Variants in ZMIZ1 observed in about 807,000 individuals in gnomAD.
ZMIZ1 encodes the protein zinc finger MIZ domain-containing protein 1.
Under a neutral mutation model 113.9 loss-of-function variants are expected in ZMIZ1, and 17 were observed. The observed-to-expected ratio is 0.15, with a 90% CI of 0.10 to 0.22. The LOEUF is 0.22. ZMIZ1 is among the 10% of genes least tolerant of loss of function. The pLI, the probability that ZMIZ1 is intolerant of heterozygous loss-of-function variation, is 1.00. For missense variants in ZMIZ1, 1,059 were observed against 1,477.8 expected (o/e 0.72, Z 4.65); for synonymous variants, 607 against 603.1 (o/e 1.01, Z -0.09).
At chr10:79,246,124 A>G (rs1850181390) in intron 7 of ZMIZ1, among the ~76,000 whole-genome samples, 1 of 152,256 alleles carries the variant, frequency 6.6e-6, no homozygotes, top group Admixed American at 6.5e-5. Context: ...CCCATTTAAC[A>G]CAGGAGAAAA....
chr10:79,154,039 C>T (rs1454254100), intron 3 of ZMIZ1, among the ~76,000 whole-genome samples: 4 of 152,198 alleles, frequency 2.6e-5, no homozygotes, highest in African/African-American at 9.6e-5. Context: ...CCCTTCAGTG[C>T]CACGACCTTC....
chr10:79,273,897 G>T (rs1299379137), intron 7 of ZMIZ1, among the ~76,000 whole-genome samples: 1 of 152,280 alleles, frequency 6.6e-6, no homozygotes. Context: ...CACCAGGCAG[G>T]AGGCCAATCG....
At chr10:79,240,786 G>A (rs1849796582) in intron 7 of ZMIZ1, among the ~76,000 whole-genome samples, 1 of 151,764 alleles carries the variant, frequency 6.6e-6, no homozygotes, top group African/African-American at 2.4e-5. Context: ...GGGAGATGGG[G>A]TAGGGAGACT....
At chr10:79,175,217 C>T (rs1168098478) in intron 4 of ZMIZ1, among the ~76,000 whole-genome samples, 2 of 152,234 alleles carry the variant, frequency 1.3e-5, no homozygotes, top group African/African-American at 4.8e-5. Flanking sequence ...AAAGAAACCC[C>T]GAGCAGTCTG....
At chr10:79,080,148 G>A (rs752118342) in intron 1 of ZMIZ1, among the ~76,000 whole-genome samples, 11 of 152,148 alleles carry the variant, frequency 7.2e-5, no homozygotes, top group Non-Finnish European at 1.5e-4. Context: ...CCACCTTCCT[G>A]GGATCCTGAG....
rs1554852505 is a variant in ZMIZ1, at chr10:79,114,537, G to GTA, written c.-336-4377_-336-4376insAT. 2.9e-3 allele frequency among the ~76,000 whole-genome samples: 402 copies of GTA among 140,384 alleles called. 3 individuals are homozygous for GTA. Among genetic ancestry groups the GTA allele is most frequent in the African/African-American group, 9.0e-3 (349 of 38,768 alleles). The allele number at this position is 140,384 out of a possible 152,430, so 92.1% of individuals were successfully genotyped here. A position where few individuals can be genotyped will look rare whatever the true frequency, so the allele number is the denominator to read the frequency against. On this transcript the variant is annotated intron_variant, in intron 1 of 24. Coordinates refer to ENST00000334512, the MANE Select transcript of ZMIZ1 (RefSeq NM_020338.4). Reference sequence around the variant, plus strand: ...TGTGTGTGTGTGTGTGTGTGTGTGTGTGTGAAGGTGGGAGGGAGAAGGGAG... The same window carrying GTA: ...TGTGTGTGTGTGTGTGTGTGTGTGTGTATGTGAAGGTGGGAGGGAGAAGGGAG...
chr10:79,149,122 C>T lies in ZMIZ1; in HGVS notation c.-131+9345C>T, dbSNP rs1397473883. ...GGAGGCCCTTGGGCTGCCTTTGGTA[C>T]AGGCAGGAGACCTGGATCCCTGCTC... On this transcript the variant is annotated intron_variant, in intron 3 of 24. Coordinates refer to ENST00000334512, the MANE Select transcript of ZMIZ1 (RefSeq NM_020338.4). Among the ~76,000 whole-genome samples the T allele has an allele frequency of 3.3e-5, 5 of 152,202 alleles. No homozygotes were observed. In the South Asian group the frequency reaches 1.0e-3, roughly 31 times the overall value.
At chr10:79,288,966 C>T (rs1437672941) in intron 8 of ZMIZ1, among the ~76,000 whole-genome samples, 1 of 152,064 alleles carries the variant, frequency 6.6e-6, no homozygotes, top group Non-Finnish European at 1.5e-5. Context: ...AGAGAGGAGG[C>T]AGTGTTTAGG....
In ZMIZ1 at chr10:79,292,169, G is replaced by C. The variant is rs1472157297; in HGVS notation, c.770G>C (p.Gly257Ala). ...SGGFGASYPG[G>A]PNAPAGMGIP... ...TTCTCCCCCTGCAGTTACCCTGGGG[G>C]TCCTAACGCCCCCGCAGGCATGGGC... Residue 257 changes from glycine (G) to alanine (A), a missense_variant, in exon 11 of 25, where the codon GGT becomes GCT. This residue lies in a region of ZMIZ1 where 272 missense variants were observed against 350.4 expected (regional missense o/e 0.78). Coordinates refer to ENST00000334512, the MANE Select transcript of ZMIZ1 (RefSeq NM_020338.4). The C allele has an allele frequency of 6.2e-7, 1 of 1,609,016 alleles. No individual in the cohort carries two copies. The highest frequency in any genetic ancestry group is 8.5e-7 in the Non-Finnish European group (1 of 1,177,704).
At chr10:79,187,200 C>T (rs1304336793) in intron 4 of ZMIZ1, among the ~76,000 whole-genome samples, 2 of 152,222 alleles carry the variant, frequency 1.3e-5, no homozygotes, top group Non-Finnish European at 2.9e-5. Context: ...CTCACCCCGT[C>T]CCCACTTCAT....
At chr10:79,190,255 C>G (rs1321025018) in intron 4 of ZMIZ1, among the ~76,000 whole-genome samples, 5 of 152,218 alleles carry the variant, frequency 3.3e-5, no homozygotes, top group African/African-American at 1.2e-4. Context: ...GTGGGCTGAC[C>G]ACAGGCCTGG....
intron 18 of ZMIZ1, 77 bp from the exon 19 acceptor site, chr10:79,303,937 GT>G: frequency 6.3e-7 from 1 of 1,575,612 alleles, no homozygotes; most frequent in Non-Finnish European, 8.7e-7. Context: ...GCACGAGGAA[GT>G]GGGGAGCACG....
intron 1 of ZMIZ1, among the ~76,000 whole-genome samples, chr10:79,096,563 A>G (rs1303025533): frequency 6.6e-6 from 1 of 152,192 alleles, no homozygotes; most frequent in African/African-American, 2.4e-5. Flanking sequence ...AAGAACCTCC[A>G]GCACGTGGAG....
intron 4 of ZMIZ1, among the ~76,000 whole-genome samples, chr10:79,169,855 T>G (rs1846526291): frequency 6.6e-6 from 1 of 152,252 alleles, no homozygotes; most frequent in Non-Finnish European, 1.5e-5. Flanking sequence ...AGCAGCAGAC[T>G]GATGCCCTTG....
At chr10:79,117,897 G>A (rs150093296) in intron 1 of ZMIZ1, among the ~76,000 whole-genome samples, 12 of 152,326 alleles carry the variant, frequency 7.9e-5, no homozygotes, top group African/African-American at 2.6e-4. Flanking sequence ...TTCTGAGCAT[G>A]AGCTTTCCTG....
intron 7 of ZMIZ1, among the ~76,000 whole-genome samples, chr10:79,236,451 C>T (rs1849593609): frequency 6.6e-6 from 1 of 152,196 alleles, no homozygotes; most frequent in Non-Finnish European, 1.5e-5. Context: ...AAGCTGTGTC[C>T]TGGGAGAAGC....
chr10:79,227,895 A>G (rs1849255687), intron 7 of ZMIZ1, among the ~76,000 whole-genome samples: 2 of 152,182 alleles, frequency 1.3e-5, no homozygotes, highest in Non-Finnish European at 1.5e-5. Flanking sequence ...CCAAAAAAGA[A>G]TCTGAGCCAC....
At chr10:79,272,661 G>A (rs750670913) in intron 7 of ZMIZ1, among the ~76,000 whole-genome samples, 1 of 152,270 alleles carries the variant, frequency 6.6e-6, no homozygotes, top group Non-Finnish European at 1.5e-5. Context: ...TGAACGTTGG[G>A]TGAGTGATAG....
chr10:79,100,326 G>A (rs1284633421), intron 1 of ZMIZ1, among the ~76,000 whole-genome samples: 1 of 151,970 alleles, frequency 6.6e-6, no homozygotes, highest in South Asian at 2.1e-4. Context: ...GCAGGTGAGG[G>A]CTGGGCATGG....
Sources: gnomAD v4.1 joint callset for allele counts (sites outside exome capture counted in the v4.1 genomes callset) on GRCh38, gnomAD v4.1.1 for gene constraint, gnomAD v4.1.1 regional missense constraint, MANE v1.5 for transcripts, NCBI Gene and HGNC (gene_info 2026-07-23, HGNC 2026-07-21) for gene names.